Variants in IL20RA observed in about 807,000 individuals in gnomAD.
IL20RA encodes interleukin 20 receptor subunit alpha.
In IL20RA, 29 loss-of-function variants were observed where a neutral mutation model predicts 36.5. That is an observed-to-expected ratio of 0.79 (90% CI 0.59 to 1.08). The LOEUF (loss-of-function observed/expected upper bound fraction) is 1.08, where lower values mean the gene tolerates loss of function less well. IL20RA is among the 50% of genes least tolerant of loss of function. IL20RA has a pLI of 0.00. For missense variants in IL20RA, 652 were observed against 668.4 expected (o/e 0.98, Z 0.27); for synonymous variants, 279 against 267.1 (o/e 1.04, Z -0.43).
Position 137,011,357 on chromosome 6 carries a change from T to G in IL20RA, c.320A>C (p.Gln107Pro). Residue 107 changes from glutamine (Q) to proline (P), a missense_variant, in exon 3 of 7, where the codon CAG becomes CCG. Transcript: ENST00000316649. Reference sequence around the variant, plus strand: ...AATGGCCTTAACTTTGGCATAATACTGGTGTTCGTAGTCAGAAGTTTCAGC... The same window carrying G: ...AATGGCCTTAACTTTGGCATAATACGGGTGTTCGTAGTCAGAAGTTTCAGC... ...LSAETSDYEH[Q>P]YYAKVKAIWG... 6.2e-7 allele frequency: 1 copy of G among 1,613,584 alleles called. No homozygotes were observed. Among genetic ancestry groups the G allele is most frequent in the Non-Finnish European group, 8.5e-7 (1 of 1,179,452 alleles).
chr6:137,044,454 A>C, intron 1 of IL20RA, 187 bp downstream of exon 1: 1 of 807,554 alleles, frequency 1.2e-6, no homozygotes, highest in Non-Finnish European at 1.6e-6. Context: ...GGCGACGGCG[A>C]GTGTCCCCCG....
intron 1 of IL20RA, among the ~76,000 whole-genome samples, chr6:137,029,348 T>C (rs955633002): frequency 6.6e-6 from 1 of 152,026 alleles, no homozygotes; most frequent in Middle Eastern, 3.4e-3. Context: ...TCTCTATTAA[T>C]AATATGAAAT....
At chr6:137,020,559 T>C (rs894637599) in intron 1 of IL20RA, among the ~76,000 whole-genome samples, 18 of 150,880 alleles carry the variant, frequency 1.2e-4, no homozygotes, top group African/African-American at 4.1e-4. Context: ...TTTTGAGAAA[T>C]GTTCTTTCTA....
intron 1 of IL20RA, among the ~76,000 whole-genome samples, chr6:137,021,289 A>C (rs186194569): frequency 2.0e-5 from 3 of 152,288 alleles, no homozygotes; most frequent in African/African-American, 4.8e-5. Context: ...AGTTAAAAGA[A>C]TTCTCTCACA....
At position 137,043,469 on chromosome 6, in the gene IL20RA, C is replaced by T. The variant is rs1291554987; in HGVS notation, c.88+1172G>A. Among the ~76,000 whole-genome samples, 7 of 152,168 alleles carry T rather than the reference C, an allele frequency of 4.6e-5. No individual in the cohort carries two copies. In the East Asian group the frequency reaches 1.2e-3, roughly 25 times the overall value. ...GTTAGTTGAAGGCTCAATATTTGCACGTCAGTCGTTTCTTCCCATTCAGTC... is the reference window on the plus strand; with the variant it reads ...GTTAGTTGAAGGCTCAATATTTGCATGTCAGTCGTTTCTTCCCATTCAGTC... On this transcript the variant is annotated intron_variant, in intron 1 of 6. Transcript: ENST00000316649.
intron 1 of IL20RA, among the ~76,000 whole-genome samples, chr6:137,033,930 T>C (rs1776384021): frequency 6.6e-6 from 1 of 152,220 alleles, no homozygotes; most frequent in South Asian, 2.1e-4. Flanking sequence ...AGAAACAACT[T>C]GGATACTGGA....
chr6:137,008,337 G>C (rs954464986), intron 5 of IL20RA, among the ~76,000 whole-genome samples: 2 of 152,210 alleles, frequency 1.3e-5, no homozygotes, highest in Non-Finnish European at 2.9e-5. Context: ...GCAGGTGGCC[G>C]AAGGACCATG....
intron 1 of IL20RA, among the ~76,000 whole-genome samples, chr6:137,025,917 T>A (rs180806153): frequency 6.6e-6 from 1 of 152,250 alleles, no homozygotes; most frequent in African/African-American, 2.4e-5. Context: ...GGTGAACTCA[T>A]AAACAGCCAG....
At chr6:137,032,052 CAAAAAA>C (rs11379045) in intron 1 of IL20RA, among the ~76,000 whole-genome samples, 1 of 61,932 alleles carries the variant, frequency 1.6e-5, no homozygotes, top group East Asian at 3.5e-4. Flanking sequence ...GATTCTGTCT[CAAAAAA>C]AAAAAAAAAA....
chr6:137,010,210 C>A (rs981941186), intron 3 of IL20RA, among the ~76,000 whole-genome samples: 3 of 152,164 alleles, frequency 2.0e-5, no homozygotes, highest in Non-Finnish European at 2.9e-5. Flanking sequence ...AGAGACCAGG[C>A]GACTTTTATC....
chr6:137,039,952 A>G (rs1776626905), intron 1 of IL20RA, among the ~76,000 whole-genome samples: 1 of 152,232 alleles, frequency 6.6e-6, no homozygotes, highest in Non-Finnish European at 1.5e-5. Context: ...CACCAAAAGG[A>G]GTAAAGAAAA....
rs560229046 is a variant in IL20RA, at chr6:137,008,688, G to A, written c.635C>T (p.Thr212Ile). The A allele has an allele frequency of 4.4e-5, 70 of 1,608,286 alleles. No homozygotes were observed. The South Asian group carries it at 7.1e-4, about 16-fold the overall frequency. The stretch of plus-strand genomic sequence containing the variant: ...GGACTCCACGTGTACGCAGTAAAGA[G>A]TGTTCGGCTCCAGCCAGGTGAGCAC... The part of the protein sequence containing the change: ...TLVLTWLEPN[T>I]LYCVHVESFV... Residue 212 changes from threonine (T) to isoleucine (I), a missense_variant, in exon 5 of 7, where the codon ACT becomes ATT. Coordinates refer to ENST00000316649, the MANE Select transcript of IL20RA (RefSeq NM_014432.4).
intron 1 of IL20RA, among the ~76,000 whole-genome samples, chr6:137,027,797 C>A (rs1582833989): frequency 1.3e-5 from 2 of 152,130 alleles, no homozygotes; most frequent in South Asian, 4.1e-4. Context: ...GGTTTTTCAG[C>A]CATTTGGTGG....
intron 1 of IL20RA, among the ~76,000 whole-genome samples, chr6:137,040,461 A>AC (rs1235639771): frequency 6.6e-6 from 1 of 152,098 alleles, no homozygotes; most frequent in Non-Finnish European, 1.5e-5. Context: ...CTTCCTGAGG[A>AC]AGTCATTAAT....
At chr6:137,041,020 C>T (rs1455844811) in intron 1 of IL20RA, among the ~76,000 whole-genome samples, 1 of 151,586 alleles carries the variant, frequency 6.6e-6, no homozygotes, top group Non-Finnish European at 1.5e-5. Context: ...AATAAGAAGA[C>T]ATGTTGATAT....
chr6:137,038,676 C>T (rs753401102), intron 1 of IL20RA, among the ~76,000 whole-genome samples: 2 of 151,994 alleles, frequency 1.3e-5, no homozygotes, highest in Non-Finnish European at 2.9e-5. Flanking sequence ...ATGGATAATG[C>T]GATTTTACTC....
intron 5 of IL20RA, among the ~76,000 whole-genome samples, chr6:137,006,726 CTTT>C (rs35093154): frequency 4.2e-5 from 6 of 144,432 alleles, no homozygotes; most frequent in Non-Finnish European, 3.0e-5. Context: ...ATTTTTCTTT[CTTT>C]TTTTTTTTTT....
In IL20RA at chr6:137,044,807, C is replaced by T. The variant is rs1429300895; in HGVS notation, c.-79G>A. ...CCCGCTGGGGCCAAGCGCGGCCGCG[C>T]GGCCTCAGCTCCGCGCCTGGGGCTC... is the stretch of plus-strand genomic sequence containing the variant. On this transcript the variant is annotated 5_prime_UTR_variant, in exon 1 of 7. Transcript: ENST00000316649. The T allele has an allele frequency of 8.4e-6, 10 of 1,186,954 alleles. No individual in the cohort carries two copies. Among genetic ancestry groups the T allele is most frequent in the Non-Finnish European group, 1.0e-5 (10 of 956,084 alleles). The allele number at this position is 1,186,954 out of a possible 1,614,324, so 73.5% of individuals were successfully genotyped here.
chr6:137,032,454 C>T (rs185898162), intron 1 of IL20RA, among the ~76,000 whole-genome samples: 36 of 152,258 alleles, frequency 2.4e-4, no homozygotes, highest in Non-Finnish European at 3.5e-4. Context: ...AGTGACTTGC[C>T]CACAGAGGGC....
Sources: gnomAD v4.1 joint callset for allele counts (sites outside exome capture counted in the v4.1 genomes callset) on GRCh38, gnomAD v4.1.1 for gene constraint, MANE v1.5 for transcripts, NCBI Gene and HGNC (gene_info 2026-07-23, HGNC 2026-07-21) for gene names.